The following EYS variants were observed in gnomAD, a reference collection of about 807,000 sequenced individuals.
The protein encoded by EYS is protein eyes shut homolog.
Under a neutral mutation model 282.1 loss-of-function variants are expected in EYS, and 250 were observed. The ratio of observed to expected loss-of-function variants is 0.89; its 90% confidence interval spans 0.80 to 0.98. The LOEUF (loss-of-function observed/expected upper bound fraction) is 0.98, where lower values mean the gene tolerates loss of function less well. Among genes scored for constraint, EYS ranks in the 50% least tolerant of loss-of-function variants. The pLI is 0.00. For missense variants in EYS, 4,016 were observed against 3,709.0 expected (o/e 1.08, Z -2.15); for synonymous variants, 1,355 against 1,282.9 (o/e 1.06, Z -1.20).
intron 26 of EYS, among the ~76,000 whole-genome samples, chr6:64,452,159 G>T (rs1005615696): frequency 6.6e-6 from 1 of 152,094 alleles, no homozygotes; most frequent in Non-Finnish European, 1.5e-5. Flanking sequence ...CTTCAGCAAA[G>T]TCTCAGGATA....
At chr6:64,188,521 G>T (rs928179932) in intron 31 of EYS, among the ~76,000 whole-genome samples, 1 of 152,082 alleles carries the variant, frequency 6.6e-6, no homozygotes, top group African/African-American at 2.4e-5. Flanking sequence ...GTGATTTGCT[G>T]TTCATGTGAG....
intron 33 of EYS, among the ~76,000 whole-genome samples, chr6:64,006,994 G>A (rs890748859): frequency 6.6e-6 from 1 of 152,098 alleles, no homozygotes; most frequent in South Asian, 2.1e-4. Flanking sequence ...TTGATATCAG[G>A]ATGATGCTTA....
intron 2 of EYS, among the ~76,000 whole-genome samples, chr6:65,515,279 A>T (rs1260521349): frequency 6.6e-6 from 1 of 152,152 alleles, no homozygotes; most frequent in East Asian, 1.9e-4. Context: ...ATCATTAAAA[A>T]GTCAGGAAAC....
At chr6:64,894,224 C>T (rs1767381807) in intron 18 of EYS, among the ~76,000 whole-genome samples, 1 of 152,036 alleles carries the variant, frequency 6.6e-6, no homozygotes, top group South Asian at 2.1e-4. Flanking sequence ...AAAGGCATCA[C>T]CTTGTTCATA....
At chr6:64,013,660 C>G (rs1768751500) in intron 33 of EYS, among the ~76,000 whole-genome samples, 1 of 152,040 alleles carries the variant, frequency 6.6e-6, no homozygotes, top group African/African-American at 2.4e-5. Context: ...ATCACCACCC[C>G]ACCCTTTTTT....
intron 22 of EYS, among the ~76,000 whole-genome samples, chr6:64,632,045 T>A (rs546864418): frequency 1.5e-5 from 2 of 136,234 alleles, no homozygotes; most frequent in African/African-American, 2.7e-5. Context: ...AGTTTAATAA[T>A]TGTCAAGGAA....
At chr6:65,343,903 GTTATAT>G in intron 10 of EYS, 129 bp downstream of exon 10, 1 of 742,718 alleles carries the variant, frequency 1.3e-6, no homozygotes, top group Non-Finnish European at 2.3e-6. Flanking sequence ...TGTTTACGAA[GTTATAT>G]TTAAACTATG....
At chr6:64,316,419 AATAAC>A (rs1379059985) in intron 29 of EYS, among the ~76,000 whole-genome samples, 3 of 152,130 alleles carry the variant, frequency 2.0e-5, no homozygotes, top group Non-Finnish European at 4.4e-5. Flanking sequence ...CCTATACACT[AATAAC>A]AGACAAATAG....
intron 24 of EYS, among the ~76,000 whole-genome samples, chr6:64,615,341 A>G (rs1177346675): frequency 6.6e-6 from 1 of 152,002 alleles, no homozygotes; most frequent in Non-Finnish European, 1.5e-5. Context: ...TGGGGGAGGG[A>G]AAAATAAACC....
At chr6:65,040,927 T>C (rs1299772059) in intron 13 of EYS, among the ~76,000 whole-genome samples, 2 of 151,704 alleles carry the variant, frequency 1.3e-5, no homozygotes, top group African/African-American at 4.8e-5. Flanking sequence ...AATTAAACTC[T>C]TTTCTACCTA....
At chr6:63,810,724 G>A (rs548389053) in intron 36 of EYS, among the ~76,000 whole-genome samples, 126 of 152,284 alleles carry the variant, frequency 8.3e-4, no homozygotes, top group African/African-American at 2.9e-3. Context: ...AATTCAAGTG[G>A]GCAAACCTCT....
At chr6:64,193,548 C>T (rs564872216) in intron 31 of EYS, among the ~76,000 whole-genome samples, 32 of 151,942 alleles carry the variant, frequency 2.1e-4, no homozygotes, top group African/African-American at 7.5e-4. Flanking sequence ...ATGTGCACAA[C>T]CTGCAGGTTT....
At chr6:63,819,298 G>A (rs1562041640) in intron 36 of EYS, among the ~76,000 whole-genome samples, 1 of 152,202 alleles carries the variant, frequency 6.6e-6, no homozygotes, top group African/African-American at 2.4e-5. Context: ...TGAAAGGGAG[G>A]TGGATGATGT....
intron 26 of EYS, among the ~76,000 whole-genome samples, chr6:64,461,951 G>A (rs1775765516): frequency 6.6e-6 from 1 of 151,722 alleles, no homozygotes; most frequent in Non-Finnish European, 1.5e-5. Context: ...TTCTTTTATT[G>A]AAAAAAGCAA....
At chr6:65,195,307 G>A (rs764110163) in intron 12 of EYS, among the ~76,000 whole-genome samples, 10 of 151,946 alleles carry the variant, frequency 6.6e-5, no homozygotes, top group Admixed American at 2.0e-4. Flanking sequence ...TGGATATAGC[G>A]TATCAATATA....
At position 64,987,347 on chromosome 6, in the gene EYS, T is replaced by C. The variant is rs555296244; in HGVS notation, c.2259+10235A>G. Reference sequence around the variant, plus strand: ...TGCACAGTCCAATACTTATGCACTATGGCTCTGCAACTGAATTCTCTGTGG... The same window carrying C: ...TGCACAGTCCAATACTTATGCACTACGGCTCTGCAACTGAATTCTCTGTGG... On this transcript the variant is annotated intron_variant, in intron 14 of 42. Coordinates refer to ENST00000503581, the MANE Select transcript of EYS (RefSeq NM_001142800.2). Among the ~76,000 whole-genome samples the C allele has an allele frequency of 6.6e-5, 10 of 151,686 alleles. No individual in the cohort carries two copies. The South Asian group carries it at 2.1e-3, about 31-fold the overall frequency.
intron 36 of EYS, among the ~76,000 whole-genome samples, chr6:63,858,743 G>A (rs535569460): frequency 2.6e-5 from 4 of 152,318 alleles, no homozygotes; most frequent in South Asian, 2.1e-4. Flanking sequence ...ACTAAGATGT[G>A]TTGAACGGTG....
intron 15 of EYS, among the ~76,000 whole-genome samples, chr6:64,929,361 GT>G (rs1768631352): frequency 1.3e-5 from 2 of 152,218 alleles, no homozygotes; most frequent in South Asian, 4.1e-4. Flanking sequence ...TTTCAACTCA[GT>G]TTTGGTGAAA....
intron 35 of EYS, among the ~76,000 whole-genome samples, chr6:63,900,318 T>C (rs1773628388): frequency 6.6e-6 from 1 of 152,166 alleles, no homozygotes; most frequent in Non-Finnish European, 1.5e-5. Context: ...TGTTGGGAAA[T>C]GCCCTTGCTT....
Sources: allele counts gnomAD v4.1 joint callset (sites outside exome capture counted in the v4.1 genomes callset), GRCh38; gene constraint gnomAD v4.1.1; transcripts MANE v1.5; gene names NCBI Gene and HGNC (gene_info 2026-07-23, HGNC 2026-07-21).